PACRG: variants seen among roughly 807,000 people sequenced by gnomAD.
The protein encoded by PACRG is parkin coregulated gene protein.
PACRG carries 29 observed loss-of-function variants against 29.7 expected under a neutral mutation model. The ratio of observed to expected loss-of-function variants is 0.98; its 90% CI spans 0.73 to 1.33. PACRG has a LOEUF of 1.33. Among genes scored for constraint, PACRG ranks in the 40% most tolerant of loss-of-function variants. The pLI, the probability that PACRG is intolerant of heterozygous loss-of-function variation, is 0.00. For synonymous variants in PACRG, 116 were observed against 118.7 expected (o/e 0.98, Z 0.15); for missense variants, 279 against 316.2 (o/e 0.88, Z 0.89).
intron 2 of PACRG, among the ~76,000 whole-genome samples, chr6:162,964,222 A>G (rs756680037): frequency 1.2e-4 from 19 of 152,308 alleles, no homozygotes; most frequent in Middle Eastern, 3.4e-3. Context: ...AACTTAGGGC[A>G]AATTACTTAA....
intron 4 of PACRG, among the ~76,000 whole-genome samples, chr6:163,163,211 C>A (rs912193699): frequency 6.6e-6 from 1 of 152,150 alleles, no homozygotes; most frequent in African/African-American, 2.4e-5. Flanking sequence ...ATTGCCACAC[C>A]TACTTGCTAA....
chr6:162,746,014 A>G (rs140509256), intron 1 of PACRG, among the ~76,000 whole-genome samples: 99 of 152,276 alleles, frequency 6.5e-4, no homozygotes, highest in Non-Finnish European at 1.1e-3. Flanking sequence ...CAAGTTAGCC[A>G]TTGATGTGAC....
rs529398885 is a variant in PACRG, at chr6:163,179,437, C to T, written c.613+90029C>T. 14 of 306,822 alleles carry T rather than the reference C, an allele frequency of 4.6e-5. 1 individual carries two copies. Among genetic ancestry groups the T allele is most frequent in the East Asian group, 1.7e-4 (2 of 11,770 alleles). The allele number at this position is 306,822 out of a possible 1,614,324, so 19.0% of individuals were successfully genotyped here. A position where few individuals can be genotyped will look rare whatever the true frequency, so the allele number is the denominator to read the frequency against. On this transcript the variant is annotated intron_variant, in intron 4 of 4. Transcript: ENST00000366888. ...ACTTCTGGCAAATCGTGGTGGCTCACGCTTGTAATCCCAACACTTTGGGAG... is the reference window on the plus strand; with the variant it reads ...ACTTCTGGCAAATCGTGGTGGCTCATGCTTGTAATCCCAACACTTTGGGAG...
At chr6:162,874,555 A>G (rs1011958183) in intron 2 of PACRG, among the ~76,000 whole-genome samples, 14 of 152,098 alleles carry the variant, frequency 9.2e-5, no homozygotes, top group Admixed American at 2.6e-4. Flanking sequence ...TCGCAGATGG[A>G]AGCACGTGAC....
intron 4 of PACRG, among the ~76,000 whole-genome samples, chr6:163,169,984 C>G (rs1778995966): frequency 6.6e-6 from 1 of 152,188 alleles, no homozygotes; most frequent in South Asian, 2.1e-4. Context: ...GTGTTGTTGT[C>G]TGTGTCCTTA....
In PACRG at chr6:162,947,352, TATATATAATGTAATC is replaced by T. The variant is rs1437072633; in HGVS notation, c.292-114788_292-114774del. 5.1e-3 allele frequency among the ~76,000 whole-genome samples: 30 copies of T among 5,922 alleles called. 2 individuals carry two copies. Among genetic ancestry groups the T allele is most frequent in the African/African-American group, 6.9e-3 (30 of 4,328 alleles). 3.9% of individuals were successfully genotyped at this position (5,922 alleles called of 152,430 possible). ...TATAATCATATATATAATGATTACATATATATAATGTAATCATATATAATCATATATATAATCATA... is the reference window on the plus strand; with the variant it reads ...TATAATCATATATATAATGATTACATATATATAATCATATATATAATCATA... On this transcript the variant is annotated intron_variant, in intron 2 of 4. Transcript: ENST00000366888.
intron 4 of PACRG, among the ~76,000 whole-genome samples, chr6:163,308,017 C>G (rs568889012): frequency 6.6e-6 from 1 of 152,220 alleles, no homozygotes; most frequent in African/African-American, 2.4e-5. Context: ...TAAATTCAGT[C>G]CAAGCTAACC....
intron 2 of PACRG, among the ~76,000 whole-genome samples, chr6:162,959,012 A>G (rs1010254840): frequency 7.4e-5 from 11 of 147,896 alleles, no homozygotes; most frequent in South Asian, 2.2e-4. Flanking sequence ...AGAACTCCTG[A>G]CTCAAGCAAT....
intron 4 of PACRG, among the ~76,000 whole-genome samples, chr6:163,151,503 T>A (rs1387958706): frequency 6.6e-6 from 1 of 152,198 alleles, no homozygotes; most frequent in Admixed American, 6.5e-5. Flanking sequence ...AAGCATGTGT[T>A]TTTCTTTGGT....
At chr6:162,933,403 G>A (rs1797994928) in intron 2 of PACRG, among the ~76,000 whole-genome samples, 3 of 152,012 alleles carry the variant, frequency 2.0e-5, no homozygotes, top group Admixed American at 2.0e-4. Flanking sequence ...TGAATTTTCT[G>A]TCTAGATGAT....
intron 2 of PACRG, among the ~76,000 whole-genome samples, chr6:162,930,784 G>A (rs1797795908): frequency 6.6e-6 from 1 of 151,724 alleles, no homozygotes; most frequent in Admixed American, 6.6e-5. Flanking sequence ...TGTGTTGAAA[G>A]TTTTTATCAT....
intron 2 of PACRG, among the ~76,000 whole-genome samples, chr6:162,857,568 T>A (rs1185907885): frequency 6.6e-6 from 1 of 152,158 alleles, no homozygotes; most frequent in African/African-American, 2.4e-5. Flanking sequence ...CTAATTACAA[T>A]GAAGAATGAA....
chr6:162,797,423 G>A (rs1785475006), intron 1 of PACRG, among the ~76,000 whole-genome samples: 1 of 152,174 alleles, frequency 6.6e-6, no homozygotes, highest in African/African-American at 2.4e-5. Context: ...TCTGGGATGA[G>A]ACATTGAACT....
At chr6:162,923,500 A>G (rs1273152682) in intron 2 of PACRG, among the ~76,000 whole-genome samples, 1 of 152,160 alleles carries the variant, frequency 6.6e-6, no homozygotes, top group Admixed American at 6.6e-5. Flanking sequence ...TTTTACATTT[A>G]AGTCTTTAAT....
At chr6:163,113,176 C>T (rs1479388064) in intron 4 of PACRG, among the ~76,000 whole-genome samples, 1 of 152,006 alleles carries the variant, frequency 6.6e-6, no homozygotes, top group Admixed American at 6.6e-5. Context: ...TTAAAGATAA[C>T]ACAATAAATT....
At chr6:163,179,651 A>C (rs1162113042) in intron 4 of PACRG, among the ~76,000 whole-genome samples, 1 of 151,798 alleles carries the variant, frequency 6.6e-6, no homozygotes, top group Non-Finnish European at 1.5e-5. Context: ...TTGATGCTGC[A>C]GTGAGCCAGA....
At position 163,114,521 on chromosome 6, in the gene PACRG, G is replaced by A. The variant is rs143765177; in HGVS notation, c.613+25113G>A. On this transcript the variant is annotated intron_variant, in intron 4 of 4. Coordinates refer to ENST00000366888, the MANE Select transcript of PACRG (RefSeq NM_001080379.2). Reference sequence around the variant, plus strand: ...TCCATATATATATGCATGTTATTCAGTCTTGGGAATAAAGGAAATCCTATT... The same window carrying A: ...TCCATATATATATGCATGTTATTCAATCTTGGGAATAAAGGAAATCCTATT... Among the ~76,000 whole-genome samples, 547 of 152,266 alleles carry A rather than the reference G, an allele frequency of 3.6e-3. 6 individuals are homozygous for A. Among genetic ancestry groups the A allele is most frequent in the African/African-American group, 0.013 (522 of 41,528 alleles).
intron 2 of PACRG, among the ~76,000 whole-genome samples, chr6:162,893,887 G>C (rs1476619545): frequency 1.3e-5 from 2 of 152,194 alleles, no homozygotes; most frequent in African/African-American, 4.8e-5. Flanking sequence ...TCACCAGCGA[G>C]AGTTGTCAGG....
At chr6:162,730,620 A>C (rs975549132) in intron 1 of PACRG, among the ~76,000 whole-genome samples, 4 of 152,180 alleles carry the variant, frequency 2.6e-5, no homozygotes, top group African/African-American at 9.7e-5. Flanking sequence ...ATGCTTATTT[A>C]AACAATCTGG....
Sources: gnomAD v4.1 joint callset for allele counts (sites outside exome capture counted in the v4.1 genomes callset) on GRCh38, gnomAD v4.1.1 for gene constraint, MANE v1.5 for transcripts, NCBI Gene and HGNC (gene_info 2026-07-23, HGNC 2026-07-21) for gene names.